Variants in PDE10A observed in about 807,000 individuals in gnomAD.
PDE10A encodes phosphodiesterase 10A.
PDE10A carries 39 observed loss-of-function variants against 97.7 expected under a neutral mutation model. The observed-to-expected ratio is 0.40, with a 90% CI of 0.31 to 0.52. The LOEUF (loss-of-function observed/expected upper bound fraction) is 0.52. PDE10A is among the 20% of genes least tolerant of loss of function. The pLI is 0.56. For missense variants in PDE10A, 731 were observed against 1,047.8 expected, an observed-to-expected ratio of 0.70 and a Z score of 4.17; for synonymous variants, 371 against 376.8, an observed-to-expected ratio of 0.98 and a Z score of 0.18.
intron 2 of PDE10A, among the ~76,000 whole-genome samples, chr6:165,531,828 C>T (rs900616772): frequency 2.0e-5 from 3 of 152,094 alleles, no homozygotes; most frequent in African/African-American, 7.2e-5. Context: ...TTTCCTATTA[C>T]AATCAATGTA....
At chr6:165,406,228 A>ATG (rs3839483) in intron 13 of PDE10A, among the ~76,000 whole-genome samples, 16,534 of 140,418 alleles carry the variant, frequency 0.12, 1,013 homozygotes, top group East Asian at 0.19. Flanking sequence ...AGGGAAAAGG[A>ATG]TGTGTGTGTG....
chr6:165,739,816 T>C (rs536307705), intron 1 of PDE10A, among the ~76,000 whole-genome samples: 2 of 152,142 alleles, frequency 1.3e-5, no homozygotes, highest in Non-Finnish European at 1.5e-5. Context: ...AGAATCTGAA[T>C]AGACATTTCT....
chr6:165,486,191 T>G (rs969898128), intron 2 of PDE10A, among the ~76,000 whole-genome samples: 3 of 152,208 alleles, frequency 2.0e-5, no homozygotes, highest in Admixed American at 2.0e-4. Context: ...CTTGTTAATG[T>G]GTGATATATT....
chr6:165,876,466 A>T (rs1781349109), intron 1 of PDE10A, among the ~76,000 whole-genome samples: 1 of 152,350 alleles, frequency 6.6e-6, no homozygotes, highest in Non-Finnish European at 1.5e-5. Flanking sequence ...CACCTGAAGA[A>T]ATCAACAAAA....
chr6:165,972,205 T>C (rs757706635), intron 1 of PDE10A, among the ~76,000 whole-genome samples: 16 of 152,112 alleles, frequency 1.1e-4, no homozygotes, highest in Non-Finnish European at 1.8e-4. Flanking sequence ...AGAGTGCACC[T>C]TTCACTCTGT....
rs545149187 is a variant in PDE10A at position 165,542,612 on chromosome 6, C to CTTTTTTTTTTTTTTTTTTTTTT, written c.994+806_994+827dup. On this transcript the variant is annotated intron_variant, in intron 2 of 21. Coordinates refer to ENST00000539869, the MANE Select transcript of PDE10A (RefSeq NM_001385079.1). Reference sequence around the variant, plus strand: ...TTTAGGTCAAAAAGATGTCCTTGTTCTTTTTTTTTTTTTTTTTTTTTTTTT... The same window carrying CTTTTTTTTTTTTTTTTTTTTTT: ...TTTAGGTCAAAAAGATGTCCTTGTTCTTTTTTTTTTTTTTTTTTTTTTTTTTTTTTTTTTTTTTTTTTTTTTT... 2.2e-4 allele frequency among the ~76,000 whole-genome samples: 17 copies of CTTTTTTTTTTTTTTTTTTTTTT among 76,456 alleles called. 1 individual carries two copies. Among genetic ancestry groups the CTTTTTTTTTTTTTTTTTTTTTT allele is most frequent in the South Asian group, 1.3e-3 (2 of 1,566 alleles). The allele number at this position is 76,456 out of a possible 152,430, so 50.2% of individuals were successfully genotyped here.
chr6:165,483,170 T>C (rs1291900758), intron 2 of PDE10A, among the ~76,000 whole-genome samples: 1 of 152,190 alleles, frequency 6.6e-6, no homozygotes, highest in Admixed American at 6.5e-5. Flanking sequence ...TGCTGTCTTT[T>C]TCCTGTAATA....
At chr6:165,954,750 C>T (rs754268569) in intron 1 of PDE10A, among the ~76,000 whole-genome samples, 5 of 152,032 alleles carry the variant, frequency 3.3e-5, no homozygotes, top group South Asian at 2.1e-4. Context: ...TCAGGGTTTC[C>T]GGAAGCTTCT....
chr6:165,717,303 T>C (rs1041579612), intron 1 of PDE10A, among the ~76,000 whole-genome samples: 1 of 152,200 alleles, frequency 6.6e-6, no homozygotes, highest in Non-Finnish European at 1.5e-5. Flanking sequence ...TATAAAAATG[T>C]GTACAGGCCA....
chr6:165,397,591 A>T (rs1786266870), intron 13 of PDE10A, among the ~76,000 whole-genome samples: 1 of 150,940 alleles, frequency 6.6e-6, no homozygotes, highest in South Asian at 2.1e-4. Context: ...TATCTCAGCT[A>T]CTTGGGAGGC....
chr6:165,536,094 G>A (rs1562558841), intron 2 of PDE10A, among the ~76,000 whole-genome samples: 1 of 152,002 alleles, frequency 6.6e-6, no homozygotes, highest in Non-Finnish European at 1.5e-5. Flanking sequence ...AACCAAAACA[G>A]CATGGTACTA....
chr6:165,399,660 G>A (rs185008393), intron 13 of PDE10A, among the ~76,000 whole-genome samples: 50 of 149,722 alleles, frequency 3.3e-4, no homozygotes, highest in African/African-American at 1.2e-3. Context: ...CCACCTATGA[G>A]TGAGAACATG....
chr6:165,904,736 T>C (rs1396518349), intron 1 of PDE10A, among the ~76,000 whole-genome samples: 1 of 152,228 alleles, frequency 6.6e-6, no homozygotes, highest in Non-Finnish European at 1.5e-5. Flanking sequence ...TTTCCATTAA[T>C]TTCATTTACT....
At chr6:165,676,354 C>G (rs1790795818) in intron 1 of PDE10A, among the ~76,000 whole-genome samples, 1 of 152,222 alleles carries the variant, frequency 6.6e-6, no homozygotes, top group African/African-American at 2.4e-5. Flanking sequence ...TGTAACATAA[C>G]TGCACTTGTA....
chr6:165,630,368 T>A (rs1007667812), intron 1 of PDE10A, among the ~76,000 whole-genome samples: 3 of 152,016 alleles, frequency 2.0e-5, no homozygotes, highest in Non-Finnish European at 4.4e-5. Flanking sequence ...AACAAAAAAC[T>A]GTATATAGAA....
chr6:165,384,629 TGA>T (rs1554252296), intron 17 of PDE10A, among the ~76,000 whole-genome samples: 58,529 of 133,068 alleles, frequency 0.44, 14,215 homozygotes, highest in African/African-American at 0.57. Flanking sequence ...TATGTGTGAG[TGA>T]GTGTGTGTGT....
chr6:165,799,787 T>C (rs1156358278), intron 1 of PDE10A, among the ~76,000 whole-genome samples: 1 of 152,232 alleles, frequency 6.6e-6, no homozygotes, highest in Non-Finnish European at 1.5e-5. Flanking sequence ...GATATTATCA[T>C]TCTTACCAAG....
intron 1 of PDE10A, among the ~76,000 whole-genome samples, chr6:165,550,180 T>G (rs1783942612): frequency 6.6e-6 from 1 of 152,148 alleles, no homozygotes; most frequent in South Asian, 2.1e-4. Context: ...AGGTATCTTA[T>G]CTCAAGCCCT....
chr6:165,927,198 C>A (rs1782964259), intron 1 of PDE10A, among the ~76,000 whole-genome samples: 1 of 151,956 alleles, frequency 6.6e-6, no homozygotes, highest in Admixed American at 6.6e-5. Flanking sequence ...CACATGTACG[C>A]CAGAACGTAA....
Sources: gnomAD v4.1 joint callset for allele counts (sites outside exome capture counted in the v4.1 genomes callset) on GRCh38, gnomAD v4.1.1 for gene constraint, MANE v1.5 for transcripts, NCBI Gene and HGNC (gene_info 2026-07-23, HGNC 2026-07-21) for gene names.